Variants in IMMP1L observed in about 807,000 individuals in gnomAD.
The protein encoded by IMMP1L is inner mitochondrial membrane peptidase subunit 1, also known as mitochondrial inner membrane protease subunit 1.
IMMP1L carries 24 observed loss-of-function variants against 21.8 expected under a neutral mutation model. The ratio of observed to expected loss-of-function variants is 1.10; its 90% CI spans 0.80 to 1.55. The LOEUF is 1.55. IMMP1L is among the 40% of genes most tolerant of loss of function. IMMP1L has a pLI of 0.00. For synonymous variants in IMMP1L, 46 were observed against 62.8 expected, an observed-to-expected ratio of 0.73 and a Z score of 1.26; for missense variants, 195 against 200.7, an observed-to-expected ratio of 0.97 and a Z score of 0.17.
chr11:31,452,125 A>G, intron 4 of IMMP1L: 1 of 685,582 alleles, frequency 1.5e-6, no homozygotes, highest in Non-Finnish European at 1.8e-6. Context: ...CGAAAAAATA[A>G]TATGAAGCTC....
At chr11:31,437,125 T>C (rs1415649434) in intron 4 of IMMP1L, 5 of 446,494 alleles carry the variant, frequency 1.1e-5, no homozygotes, top group Admixed American at 7.1e-5. Flanking sequence ...CCTCTATAAG[T>C]TGCAGGTTGA....
intron 1 of IMMP1L, among the ~76,000 whole-genome samples, chr11:31,473,338 T>C (rs772940833): frequency 6.6e-6 from 1 of 152,120 alleles, no homozygotes; most frequent in Non-Finnish European, 1.5e-5. Flanking sequence ...CATGAGCCAC[T>C]GCGCCCGGCC....
intron 3 of IMMP1L, among the ~76,000 whole-genome samples, chr11:31,457,026 C>CA (rs1404700117): frequency 1.3e-5 from 2 of 151,242 alleles, no homozygotes; most frequent in Non-Finnish European, 2.9e-5. Flanking sequence ...GCGGTCCAGC[C>CA]AGTAGCACTG....
chr11:31,487,750 A>C (rs1411568955), intron 1 of IMMP1L, among the ~76,000 whole-genome samples: 1 of 152,190 alleles, frequency 6.6e-6, no homozygotes, highest in Non-Finnish European at 1.5e-5. Flanking sequence ...AATTTACAAA[A>C]TCCTCAAAGG....
intron 4 of IMMP1L, among the ~76,000 whole-genome samples, chr11:31,447,551 T>C (rs982065028): frequency 3.3e-5 from 5 of 152,252 alleles, no homozygotes; most frequent in Non-Finnish European, 5.9e-5. Context: ...CCTATAATTG[T>C]AAGTACTTTG....
At chr11:31,500,905 A>G (rs1565017034) in intron 1 of IMMP1L, among the ~76,000 whole-genome samples, 1 of 152,210 alleles carries the variant, frequency 6.6e-6, no homozygotes. Context: ...TAAAATATTT[A>G]CTATTTGGTC....
At chr11:31,506,090 C>T (rs1403313572) in intron 1 of IMMP1L, among the ~76,000 whole-genome samples, 1 of 152,136 alleles carries the variant, frequency 6.6e-6, no homozygotes, top group Non-Finnish European at 1.5e-5. Context: ...TATTTGCCCA[C>T]GTATCTTCCC....
At chr11:31,434,463 C>CAGTTA (rs1192607438) in intron 4 of IMMP1L, among the ~76,000 whole-genome samples, 7 of 152,040 alleles carry the variant, frequency 4.6e-5, no homozygotes, top group Non-Finnish European at 1.0e-4. Flanking sequence ...TTATCTAAGA[C>CAGTTA]AGTTGAATTA....
chr11:31,460,219 A>G (rs1591979214), intron 3 of IMMP1L, among the ~76,000 whole-genome samples: 1 of 152,172 alleles, frequency 6.6e-6, no homozygotes, highest in East Asian at 1.9e-4. Context: ...TAGACTACAT[A>G]TAAAGTAAGA....
At chr11:31,509,253 C>G (rs1240248389) in intron 1 of IMMP1L, among the ~76,000 whole-genome samples, 1 of 152,282 alleles carries the variant, frequency 6.6e-6, no homozygotes, top group South Asian at 2.1e-4. Context: ...AGACGCTCAG[C>G]AACCAACTCA....
intron 1 of IMMP1L, among the ~76,000 whole-genome samples, chr11:31,496,649 T>C (rs1428589242): frequency 2.6e-5 from 4 of 151,144 alleles, no homozygotes; most frequent in Non-Finnish European, 5.9e-5. Context: ...ATTATAAATA[T>C]GTTATCTTAT....
chr11:31,493,318 A>G (rs1955318354), intron 1 of IMMP1L, among the ~76,000 whole-genome samples: 1 of 152,126 alleles, frequency 6.6e-6, no homozygotes, highest in Non-Finnish European at 1.5e-5. Flanking sequence ...GGTGGCGGGA[A>G]GGAGAAGTGC....
At chr11:31,456,914 AAAAC>A (rs1316498192) in intron 3 of IMMP1L, among the ~76,000 whole-genome samples, 8 of 131,694 alleles carry the variant, frequency 6.1e-5, no homozygotes, top group African/African-American at 2.3e-4. Context: ...CCACACACAC[AAAAC>A]AAACAAACCA....
intron 1 of IMMP1L, among the ~76,000 whole-genome samples, chr11:31,466,139 C>A (rs796537421): frequency 1.7e-4 from 26 of 151,900 alleles, no homozygotes; most frequent in African/African-American, 6.3e-4. Flanking sequence ...ATAGAAATGG[C>A]CAACAAATAT....
chr11:31,457,236 A>C (rs531232521), intron 3 of IMMP1L, among the ~76,000 whole-genome samples: 25 of 152,290 alleles, frequency 1.6e-4, no homozygotes, highest in Non-Finnish European at 3.2e-4. Flanking sequence ...ATGAGATATC[A>C]AACATATAAA....
chr11:31,490,978 C>T (rs1460214748), intron 1 of IMMP1L, among the ~76,000 whole-genome samples: 1 of 152,180 alleles, frequency 6.6e-6, no homozygotes, highest in African/African-American at 2.4e-5. Context: ...AACATGACAC[C>T]ATAAGCTGCA....
chr11:31,436,008 G>A (rs1042350049), intron 4 of IMMP1L, among the ~76,000 whole-genome samples: 2 of 151,540 alleles, frequency 1.3e-5, no homozygotes, highest in African/African-American at 4.9e-5. Context: ...ATTGTTGGCA[G>A]TGTCAAATAT....
At chr11:31,467,450 G>A (rs1344560122) in intron 1 of IMMP1L, among the ~76,000 whole-genome samples, 2 of 152,070 alleles carry the variant, frequency 1.3e-5, no homozygotes, top group African/African-American at 2.4e-5. Flanking sequence ...ACCATTCTGA[G>A]GGGTCATCCA....
chr11:31,484,451 C>T (rs1565001956), intron 1 of IMMP1L, among the ~76,000 whole-genome samples: 1 of 151,664 alleles, frequency 6.6e-6, no homozygotes. Flanking sequence ...AAAAAAAATC[C>T]ACTTTTTTTA....
Sources: gnomAD v4.1 joint callset for allele counts (sites outside exome capture counted in the v4.1 genomes callset) on GRCh38, gnomAD v4.1.1 for gene constraint, MANE v1.5 for transcripts, NCBI Gene and HGNC (gene_info 2026-07-23, HGNC 2026-07-21) for gene names.